CFAP47: variants seen among roughly 807,000 people sequenced by gnomAD.
The protein encoded by CFAP47 is cilia- and flagella-associated protein 47.
Under a neutral mutation model 148.1 loss-of-function variants are expected in CFAP47, and 29 were observed. That is an observed-to-expected ratio of 0.20 (90% CI 0.15 to 0.27). The LOEUF (loss-of-function observed/expected upper bound fraction) is 0.27, where lower values mean the gene tolerates loss of function less well. Ranked by LOEUF, CFAP47 falls within the 10% of genes least tolerant of loss-of-function variation. The pLI, the probability that CFAP47 is intolerant of heterozygous loss-of-function variation, is 1.00. For missense variants in CFAP47, 1,872 were observed against 1,697.5 expected (o/e 1.10, Z -1.81); for synonymous variants, 664 against 577.3 (o/e 1.15, Z -2.15).
intron 1 of CFAP47, 82 bp from the exon 2 acceptor site, chrX:35,925,935 G>A (rs1226583584): frequency 3.4e-5 from 28 of 827,306 alleles, no homozygotes; most frequent in Middle Eastern, 3.0e-4. Context: ...GATTACAGGC[G>A]TGAGCCATTG....
intron 15 of CFAP47, among the ~76,000 whole-genome samples, chrX:35,979,913 C>T (rs1936619665): frequency 8.9e-6 from 1 of 112,147 alleles, no homozygotes; most frequent in Non-Finnish European, 1.9e-5. Flanking sequence ...GCTTTTTAAA[C>T]CTTAGCACAG....
At position 36,071,980 on chromosome X, in the gene CFAP47, C is replaced by T. The variant is rs372296786; in HGVS notation, c.4465+9C>T. 1.1e-4 allele frequency: 133 copies of T among 1,184,750 alleles called. No individual in the cohort carries two copies. The highest frequency in any genetic ancestry group is 1.4e-4 in the Non-Finnish European group (126 of 878,525). ...GGGAAACTTATTTATTGGTATGTAG[C>T]AAATATATAGTGTACTTTCCAAAAT... is the stretch of plus-strand genomic sequence containing the variant. On this transcript the variant is annotated intron_variant, in intron 28 of 63. Coordinates refer to ENST00000378653, the MANE Select transcript of CFAP47 (RefSeq NM_001304548.2).
At chrX:36,195,478 A>G (rs1347740213) in intron 42 of CFAP47, among the ~76,000 whole-genome samples, 2 of 112,170 alleles carry the variant, frequency 1.8e-5, no homozygotes, top group African/African-American at 6.5e-5. Context: ...TAATCATTAT[A>G]ATTATTATTG....
chrX:36,167,733 T>G (rs1158471842), intron 39 of CFAP47, among the ~76,000 whole-genome samples: 1 of 111,754 alleles, frequency 8.9e-6, no homozygotes, highest in Non-Finnish European at 1.9e-5. Context: ...TGAAACTAAG[T>G]TTCTTTTTTG....
Position 36,371,722 on chromosome X carries a change from A to G in CFAP47, c.9185+4595A>G, listed in dbSNP as rs1398560198. Among the ~76,000 whole-genome samples, 11 of 60,738 alleles carry G rather than the reference A, an allele frequency of 1.8e-4. 2 individuals are homozygous for G. Among genetic ancestry groups the G allele is most frequent in the African/African-American group, 7.8e-4 (10 of 12,818 alleles). The allele number at this position is 60,738 out of a possible 115,157, so 52.7% of individuals were successfully genotyped here. On this transcript the variant is annotated intron_variant, in intron 62 of 63. Transcript: ENST00000378653. ...CACATGTGTATATATGTGTGTATAT[A>G]CACACATGTGTGTATATATGTGTGT...
intron 11 of CFAP47, 128 bp from the exon 12 acceptor site, chrX:35,971,458 C>T: frequency 4.8e-6 from 2 of 418,944 alleles, no homozygotes; most frequent in Non-Finnish European, 7.9e-6. Flanking sequence ...GATTAGTGCA[C>T]CAGTCTGGTT....
intron 56 of CFAP47, among the ~76,000 whole-genome samples, chrX:36,316,891 T>A (rs974576488): frequency 9.0e-6 from 1 of 111,645 alleles, no homozygotes; most frequent in Non-Finnish European, 1.9e-5. Flanking sequence ...GCTCAGATGA[T>A]TCTCCCACTC....
intron 37 of CFAP47, among the ~76,000 whole-genome samples, chrX:36,151,918 G>A (rs1207019945): frequency 5.4e-5 from 6 of 111,521 alleles, no homozygotes; most frequent in Non-Finnish European, 7.5e-5. Flanking sequence ...TTAGTGTCTT[G>A]TGAAGGCTTG....
chrX:36,384,152 C>G (rs1207002814), intron 63 of CFAP47, among the ~76,000 whole-genome samples: 1 of 109,892 alleles, frequency 9.1e-6, no homozygotes, highest in Non-Finnish European at 1.9e-5. Flanking sequence ...ACCAGCCTGG[C>G]CAATGTGGAG....
chrX:36,373,974 TTGA>T (rs781850912), intron 62 of CFAP47, among the ~76,000 whole-genome samples: 3 of 111,810 alleles, frequency 2.7e-5, no homozygotes, highest in Non-Finnish European at 3.8e-5. Flanking sequence ...TAATACTGTA[TTGA>T]TGATTTTTGC....
chrX:36,042,596 A>G (rs1320908215), intron 25 of CFAP47, among the ~76,000 whole-genome samples: 2 of 111,118 alleles, frequency 1.8e-5, no homozygotes, highest in Non-Finnish European at 3.8e-5. Flanking sequence ...ATAGATAAAG[A>G]TATGAATGAG....
intron 2 of CFAP47, among the ~76,000 whole-genome samples, chrX:35,933,217 A>T (rs947056718): frequency 1.2e-5 from 1 of 86,253 alleles, no homozygotes; most frequent in African/African-American, 4.6e-5. Context: ...CTTCTTCCCC[A>T]CCCCCAATTA....
intron 26 of CFAP47, among the ~76,000 whole-genome samples, chrX:36,057,105 TC>T (rs1202532806): frequency 8.9e-6 from 1 of 112,110 alleles, no homozygotes; most frequent in Non-Finnish European, 1.9e-5. Flanking sequence ...GTTTTTTTTT[TC>T]CAGTAGCTCA....
At chrX:35,968,859 G>GT (rs1032007789) in intron 10 of CFAP47, among the ~76,000 whole-genome samples, 2 of 109,721 alleles carry the variant, frequency 1.8e-5, no homozygotes, top group African/African-American at 6.7e-5. Context: ...AGAAAATTCT[G>GT]TTTTTTCCTC....
intron 39 of CFAP47, among the ~76,000 whole-genome samples, chrX:36,163,061 T>A (rs1177427651): frequency 1.8e-5 from 2 of 112,246 alleles, no homozygotes. Context: ...TTTATATAAT[T>A]ACTAATTCCA....
intron 57 of CFAP47, among the ~76,000 whole-genome samples, chrX:36,336,031 G>T (rs1175833088): frequency 9.0e-6 from 1 of 110,685 alleles, no homozygotes; most frequent in Admixed American, 9.7e-5. Flanking sequence ...TATAGTTGCT[G>T]CCTTGGCATC....
At chrX:36,170,945 C>T (rs1250132351) in intron 39 of CFAP47, among the ~76,000 whole-genome samples, 2 of 108,845 alleles carry the variant, frequency 1.8e-5, no homozygotes, top group Admixed American at 9.8e-5. Context: ...TCTCCACATC[C>T]TCTCCGGCAC....
intron 33 of CFAP47, among the ~76,000 whole-genome samples, chrX:36,116,335 GT>G (rs768888597): frequency 3.6e-5 from 4 of 112,377 alleles, no homozygotes; most frequent in African/African-American, 1.3e-4. Flanking sequence ...CTGTTTCTAA[GT>G]TAGTTCACTT....
chrX:36,366,950 T>A lies in CFAP47; in HGVS notation c.9024-16T>A, dbSNP rs1336414350. ...TTTTCACGTAGTGTCATTTAAAATC[T>A]CCTTTTATATTCAAGGTCTCACATA... On this transcript the variant is annotated splice_polypyrimidine_tract_variant and intron_variant, in intron 61 of 63. Coordinates refer to ENST00000378653, the MANE Select transcript of CFAP47 (RefSeq NM_001304548.2). 4.6e-6 allele frequency: 5 copies of A among 1,078,189 alleles called. No individual in the cohort carries two copies. The highest frequency in any genetic ancestry group is 4.9e-6 in the Non-Finnish European group (4 of 818,340). The allele number at this position is 1,078,189 out of a possible 1,213,427, so 88.9% of individuals were successfully genotyped here. A position where few individuals can be genotyped will look rare whatever the true frequency, so the allele number is the denominator to read the frequency against.
Sources: gnomAD v4.1 joint callset for allele counts (sites outside exome capture counted in the v4.1 genomes callset) on GRCh38, gnomAD v4.1.1 for gene constraint, MANE v1.5 for transcripts, NCBI Gene and HGNC (gene_info 2026-07-23, HGNC 2026-07-21) for gene names.